Variants in LOC122539214 observed in about 807,000 individuals in gnomAD.
chr19:52,655,556 C>T, the LOC122539214 span: 5 of 1,492,390 alleles, frequency 3.4e-6, no homozygotes, highest in Non-Finnish European at 4.7e-6. Context: ...GGACATTTTC[C>T]TCACCCACAG....
chr19:52,659,148 G>A, the LOC122539214 span, among the ~76,000 whole-genome samples: 1 of 151,842 alleles, frequency 6.6e-6, no homozygotes, highest in East Asian at 1.9e-4. Context: ...TCCTGTGTGA[G>A]GAAAGTCAGG....
chr19:52,652,801 T>C, the LOC122539214 span: 32 of 891,248 alleles, frequency 3.6e-5, no homozygotes, highest in Admixed American at 3.7e-5. Flanking sequence ...GCCACACTCA[T>C]TGCACTTATA....
At chr19:52,664,754 G>C in the LOC122539214 span, among the ~76,000 whole-genome samples, 1 of 151,470 alleles carries the variant, frequency 6.6e-6, no homozygotes, top group Non-Finnish European at 1.5e-5. Context: ...GGCCTGGTGT[G>C]GGGGGGTGAG....
chr19:52,658,399 CT>C, the LOC122539214 span, among the ~76,000 whole-genome samples: 1 of 152,134 alleles, frequency 6.6e-6, no homozygotes, highest in African/African-American at 2.4e-5. Context: ...AATTTCATCT[CT>C]ACCAAAAATA....
the LOC122539214 span, chr19:52,653,060 T>A: frequency 6.7e-7 from 1 of 1,487,354 alleles, no homozygotes; most frequent in Non-Finnish European, 9.3e-7. Context: ...TCATTACACT[T>A]GTAAGGTTTC....
At chr19:52,669,085 C>G in the LOC122539214 span, among the ~76,000 whole-genome samples, 1 of 152,208 alleles carries the variant, frequency 6.6e-6, no homozygotes, top group Non-Finnish European at 1.5e-5. Flanking sequence ...TTATTCATCC[C>G]TGAGCAGATG....
At chr19:52,687,645 ATATATATATATAATG>A in the LOC122539214 span, among the ~76,000 whole-genome samples, 58 of 26,896 alleles carry the variant, frequency 2.2e-3, 2 homozygotes, top group African/African-American at 0.023. Context: ...ATATATATAT[ATATATATATATAATG>A]TATATATATA....
the LOC122539214 span, chr19:52,653,395 G>A: frequency 1.1e-6 from 1 of 947,266 alleles, no homozygotes; most frequent in Non-Finnish European, 1.7e-6. Flanking sequence ...TTCATTACAT[G>A]TGTAAGGTTT....
the LOC122539214 span, among the ~76,000 whole-genome samples, chr19:52,685,879 A>T: frequency 4.1e-5 from 6 of 145,108 alleles, no homozygotes; most frequent in African/African-American, 1.6e-4. Context: ...AGCCTGGGGA[A>T]CAAGAGTGTA....
chr19:52,653,180 C>T, the LOC122539214 span: 3 of 1,457,316 alleles, frequency 2.1e-6, no homozygotes, highest in African/African-American at 4.5e-5. Context: ...CTACGATGGC[C>T]CACAAGGGAT....
chr19:52,680,794 A>G, the LOC122539214 span, among the ~76,000 whole-genome samples: 3 of 147,602 alleles, frequency 2.0e-5, no homozygotes, highest in South Asian at 6.5e-4. Flanking sequence ...TTGTATTTTT[A>G]GTAGAGACGG....
At chr19:52,686,709 A>T in the LOC122539214 span, among the ~76,000 whole-genome samples, 12 of 152,000 alleles carry the variant, frequency 7.9e-5, no homozygotes, top group Non-Finnish European at 1.6e-4. Flanking sequence ...GGCAGCTGGA[A>T]CTACAGGTGC....
At chr19:52,650,745 A>G in the LOC122539214 span, 33 of 152,350 alleles carry the variant, frequency 2.2e-4, no homozygotes, top group African/African-American at 5.5e-4. Flanking sequence ...AATTTTTGCT[A>G]CTTCCTAAGG....
At chr19:52,653,737 G>C in the LOC122539214 span, among the ~76,000 whole-genome samples, 1 of 152,154 alleles carries the variant, frequency 6.6e-6, no homozygotes, top group Non-Finnish European at 1.5e-5. Flanking sequence ...ACACTTGTAA[G>C]GTTTTTCTCC....
chr19:52,689,269 T>C, the LOC122539214 span, among the ~76,000 whole-genome samples: 1 of 152,232 alleles, frequency 6.6e-6, no homozygotes, highest in African/African-American at 2.4e-5. Context: ...TAAACAATTC[T>C]GTTTCTCTCA....
chr19:52,688,524 A>C, the LOC122539214 span, among the ~76,000 whole-genome samples: 8 of 146,920 alleles, frequency 5.4e-5, no homozygotes, highest in South Asian at 2.2e-4. Context: ...CGTATCTCTC[A>C]TTCTCCCCTT....
At chr19:52,686,921 T>C in the LOC122539214 span, among the ~76,000 whole-genome samples, 97,571 of 151,522 alleles carry the variant, frequency 0.64, 31,678 homozygotes, top group African/African-American at 0.73. Context: ...GTGGCTCACA[T>C]CTGTAATCCC....
the LOC122539214 span, among the ~76,000 whole-genome samples, chr19:52,659,908 C>T: frequency 6.6e-6 from 1 of 152,078 alleles, no homozygotes; most frequent in Non-Finnish European, 1.5e-5. Context: ...AGATATTTCT[C>T]GGCTGGGTGG....
chr19:52,688,511 G>C, the LOC122539214 span, among the ~76,000 whole-genome samples: 1 of 151,520 alleles, frequency 6.6e-6, no homozygotes, highest in African/African-American at 2.4e-5. Flanking sequence ...CCCTGATTCT[G>C]TACGTATCTC....
Sources: gnomAD v4.1 joint callset for allele counts (sites outside exome capture counted in the v4.1 genomes callset) on GRCh38, gnomAD v4.1.1 for gene constraint, MANE v1.5 for transcripts.